The following ITGA1 variants were observed in gnomAD, a reference collection of about 807,000 sequenced individuals.
ITGA1 encodes integrin alpha-1.
ITGA1 carries 85 observed loss-of-function variants against 145.9 expected under a neutral mutation model. The ratio of observed to expected loss-of-function variants is 0.58; its 90% CI spans 0.49 to 0.70. The LOEUF is 0.70. ITGA1 is among the 30% of genes least tolerant of loss of function. The pLI, the probability that ITGA1 is intolerant of heterozygous loss-of-function variation, is 0.00. For missense variants in ITGA1, 1,351 were observed against 1,418.7 expected (o/e 0.95, Z 0.77); for synonymous variants, 520 against 495.3 (o/e 1.05, Z -0.66).
chr5:52,908,900 T>C lies in ITGA1; in HGVS notation c.1458T>C (p.Ile486=). The C allele has an allele frequency of 1.9e-6, 3 of 1,613,660 alleles. No individual in the cohort carries two copies. The highest frequency in any genetic ancestry group is 1.1e-5 in the South Asian group (1 of 91,036). Residue 486 remains isoleucine (I), a splice_region_variant and synonymous_variant, in exon 13 of 29, where the codon ATT becomes ATC. Transcript: ENST00000282588. ...TTTTGTTTCATTTTGTGTCCTAGAT[T>C]GGTTCCTACTTTGGCAGTATTTTAA... The part of the protein sequence containing the change: ...KILQTLSGEQ[I]GSYFGSILTT...
chr5:52,919,307 A>G (rs1013644408), intron 16 of ITGA1, among the ~76,000 whole-genome samples: 3 of 152,058 alleles, frequency 2.0e-5, no homozygotes, highest in Admixed American at 6.6e-5. Context: ...GGAAAGACTG[A>G]TATTGCAGAG....
In ITGA1 at chr5:52,881,883, T is replaced by C; in HGVS notation, c.635T>C (p.Val212Ala). ...IGPKQTQVGI[V>A]QYGENVTHEF... ...GGCTTGGTATTTCAGGTTGGAATTG[T>C]ACAGTATGGAGAAAACGTGACCCAT... The change falls in exon 7 of 29, where the codon GTA becomes GCA. Residue 212 changes from valine to alanine, a missense_variant. Val to Ala is a moderately conservative substitution (Grantham distance 64). Coordinates refer to ENST00000282588, the MANE Select transcript of ITGA1 (RefSeq NM_181501.2). The C allele has an allele frequency of 6.2e-7, 1 of 1,612,708 alleles. No individual in the cohort carries two copies. Among genetic ancestry groups the C allele is most frequent in the African/African-American group, 1.3e-5 (1 of 74,932 alleles).
intron 1 of ITGA1, among the ~76,000 whole-genome samples, chr5:52,788,730 G>A (rs1004861739): frequency 6.6e-6 from 1 of 152,178 alleles, no homozygotes; most frequent in African/African-American, 2.4e-5. Flanking sequence ...TTAGGACTTT[G>A]CTGAATATTT....
At chr5:52,855,161 G>A (rs540420611) in intron 2 of ITGA1, among the ~76,000 whole-genome samples, 1 of 152,194 alleles carries the variant, frequency 6.6e-6, no homozygotes, top group African/African-American at 2.4e-5. Context: ...AATGTCCAAA[G>A]GTTTAATATA....
intron 1 of ITGA1, chr5:52,800,277 T>A: frequency 9.6e-7 from 1 of 1,038,054 alleles, no homozygotes; most frequent in African/African-American, 1.6e-5. Context: ...GCCAGGCAAG[T>A]GCCCTTAGAA....
intron 1 of ITGA1, among the ~76,000 whole-genome samples, chr5:52,823,518 A>G (rs1645751568): frequency 6.6e-6 from 1 of 152,170 alleles, no homozygotes; most frequent in Admixed American, 6.5e-5. Context: ...ATCATTTTAA[A>G]TGGTGATGAT....
intron 6 of ITGA1, 90 bp from the exon 7 acceptor site, chr5:52,881,783 T>G (rs1749963910): frequency 8.4e-7 from 1 of 1,184,070 alleles, no homozygotes; most frequent in East Asian, 2.4e-5. Context: ...TCATCTGAAA[T>G]GTATTATATC....
chr5:52,869,015 C>A (rs76621665), intron 6 of ITGA1, among the ~76,000 whole-genome samples: 1 of 152,120 alleles, frequency 6.6e-6, no homozygotes, highest in Non-Finnish European at 1.5e-5. Flanking sequence ...CTGTCTAATG[C>A]CATGTTTCTC....
At chr5:52,860,063 C>T (rs961699761) in intron 2 of ITGA1, among the ~76,000 whole-genome samples, 2 of 152,048 alleles carry the variant, frequency 1.3e-5, no homozygotes, top group African/African-American at 2.4e-5. Flanking sequence ...TGCAGCTGAG[C>T]GAAGTTATTT....
chr5:52,905,499 CATT>C (rs999415141), intron 11 of ITGA1: 11 of 252,336 alleles, frequency 4.4e-5, no homozygotes, highest in African/African-American at 2.2e-4. Flanking sequence ...TGTGTGTCAT[CATT>C]GTTATATCAT....
chr5:52,794,245 T>C (rs1346823108), intron 1 of ITGA1, among the ~76,000 whole-genome samples: 2 of 151,814 alleles, frequency 1.3e-5, no homozygotes, highest in East Asian at 1.9e-4. Context: ...TAAATTTAAA[T>C]ATAGCACCTA....
At chr5:52,801,415 G>A (rs756301643) in intron 1 of ITGA1, 3 of 1,611,252 alleles carry the variant, frequency 1.9e-6, no homozygotes, top group South Asian at 2.2e-5. Flanking sequence ...CTAGGTACAT[G>A]CCTCCTCCGG....
chr5:52,922,728 C>A, intron 17 of ITGA1, 49 bp from the exon 18 acceptor site: 1 of 1,195,840 alleles, frequency 8.4e-7, no homozygotes, highest in Non-Finnish European at 1.2e-6. Flanking sequence ...AAGATCAGAA[C>A]ACCCGGTAAA....
chr5:52,908,280 A>G (rs951621590), intron 12 of ITGA1, among the ~76,000 whole-genome samples: 1 of 152,234 alleles, frequency 6.6e-6, no homozygotes. Flanking sequence ...AAAATTAAGC[A>G]TTTAGGTAAT....
rs773886708 is a variant in ITGA1 at position 52,952,407 on chromosome 5, A to G, written c.3496A>G (p.Ile1166Val). 7.0e-7 allele frequency: 1 copy of G among 1,419,330 alleles called. No homozygotes were observed. The allele number at this position is 1,419,330 out of a possible 1,614,324, so 87.9% of individuals were successfully genotyped here. The change falls in exon 29 of 29, where the codon ATT becomes GTT. Residue 1166 changes from isoleucine to valine, a missense_variant and splice_region_variant. Physicochemically the swap from Ile to Val is conservative, Grantham distance 29. Coordinates refer to ENST00000282588, the MANE Select transcript of ITGA1 (RefSeq NM_181501.2). ...GTTATGTTTTGTGTTTTCTCAACAG[A>G]TTGGATTCTTCAAAAGACCACTGAA... ...LMLLILALWK[I>V]GFFKRPLKKK...
rs1413007055 is a variant in ITGA1, at chr5:52,955,991, A to G, written c.*3540A>G. On this transcript the variant is annotated 3_prime_UTR_variant, in exon 29 of 29. Transcript: ENST00000282588. ...CACTCACATGCAGATATTTACATAT[A>G]TAGATATTCTCTTTTCCTTTTATAA... 1.3e-5 allele frequency: 2 copies of G among 152,130 alleles called. No homozygotes were observed. Among genetic ancestry groups the G allele is most frequent in the Non-Finnish European group, 2.9e-5 (2 of 68,040 alleles). 9.4% of individuals were successfully genotyped at this position (152,130 alleles called of 1,614,324 possible). A position where few individuals can be genotyped will look rare whatever the true frequency, so the allele number is the denominator to read the frequency against.
Position 52,881,718 on chromosome 5 carries a change from G to A in ITGA1, c.625-155G>A, listed in dbSNP as rs1470945423. Among the ~76,000 whole-genome samples the A allele has an allele frequency of 2.0e-5, 3 of 152,152 alleles. No individual in the cohort carries two copies. The East Asian group carries it at 5.8e-4, about 29-fold the overall frequency. On this transcript the variant is annotated intron_variant, in intron 6 of 28. Transcript: ENST00000282588. ...TTGGACTACGAACAGTCACAGAATG[G>A]CTATGCTTATTACTGTCAAAATAGA...
intron 28 of ITGA1, among the ~76,000 whole-genome samples, chr5:52,952,159 C>T (rs1038996351): frequency 1.5e-4 from 22 of 143,702 alleles, no homozygotes; most frequent in Admixed American, 9.3e-4. Flanking sequence ...CACTGCACTC[C>T]AGCCTGGTGA....
chr5:52,838,033 C>T (rs528794035), intron 1 of ITGA1, among the ~76,000 whole-genome samples: 1 of 152,216 alleles, frequency 6.6e-6, no homozygotes, highest in African/African-American at 2.4e-5. Flanking sequence ...GATTTCTTTT[C>T]TAAGCGTTTT....
Sources: allele counts gnomAD v4.1 joint callset (sites outside exome capture counted in the v4.1 genomes callset), GRCh38; gene constraint gnomAD v4.1.1; transcripts MANE v1.5; gene names NCBI Gene and HGNC (gene_info 2026-07-23, HGNC 2026-07-21).